PHACTR1: variants seen among roughly 807,000 people sequenced by gnomAD.
PHACTR1 encodes the protein RPEL repeat containing 1.
In PHACTR1, 16 loss-of-function variants were observed where a neutral mutation model predicts 69.2. That is an observed-to-expected ratio of 0.23 (90% CI 0.16 to 0.35). The LOEUF (loss-of-function observed/expected upper bound fraction) is 0.35, where lower values mean the gene tolerates loss of function less well. Among genes scored for constraint, PHACTR1 ranks in the 10% least tolerant of loss-of-function variants. The pLI is 1.00. For synonymous variants in PHACTR1, 312 were observed against 284.5 expected (o/e 1.10, Z -0.97); for missense variants, 510 against 734.7 (o/e 0.69, Z 3.54).
At chr6:13,052,620 A>C (rs949312901) in intron 4 of PHACTR1, among the ~76,000 whole-genome samples, 1 of 152,242 alleles carries the variant, frequency 6.6e-6, no homozygotes, top group Non-Finnish European at 1.5e-5. Flanking sequence ...TCCACTAGGC[A>C]TTATGAGATT....
intron 4 of PHACTR1, among the ~76,000 whole-genome samples, chr6:12,812,620 C>T (rs565526124): frequency 2.5e-3 from 381 of 152,308 alleles, no homozygotes; most frequent in Non-Finnish European, 4.1e-3. Flanking sequence ...CGTGAACGCC[C>T]CTAGCTTATT....
chr6:13,076,027 C>CTTTT lies in PHACTR1; in HGVS notation c.415+22511_415+22514dup, dbSNP rs398000515. Among the ~76,000 whole-genome samples the CTTTT allele has an allele frequency of 7.9e-5, 8 of 101,408 alleles. No individual in the cohort carries two copies. The South Asian group carries it at 1.2e-3, about 15-fold the overall frequency. 66.5% of individuals were successfully genotyped at this position (101,408 alleles called of 152,430 possible). ...TGAAAAAAACAATGCAAGGGAGCAT[C>CTTTT]TTTTTTTTTTTTTTTTCTGGTTGGC... On this transcript the variant is annotated intron_variant, in intron 5 of 14. Transcript: ENST00000332995.
At chr6:13,161,384 G>A (rs2113549525) in intron 6 of PHACTR1, among the ~76,000 whole-genome samples, 1 of 152,028 alleles carries the variant, frequency 6.6e-6, no homozygotes, top group South Asian at 2.1e-4. Flanking sequence ...CTCACTCTGA[G>A]GACCACACTC....
chr6:13,067,770 G>T (rs535108523), intron 5 of PHACTR1, among the ~76,000 whole-genome samples: 6 of 152,306 alleles, frequency 3.9e-5, no homozygotes, highest in Admixed American at 6.5e-5. Flanking sequence ...TAATCAGACA[G>T]TAATCACACA....
chr6:13,090,974 G>A (rs1301097978), intron 5 of PHACTR1, among the ~76,000 whole-genome samples: 5 of 151,572 alleles, frequency 3.3e-5, no homozygotes, highest in African/African-American at 1.2e-4. Flanking sequence ...AGTAGAATCA[G>A]TGGGAGCCCT....
Position 13,237,136 on chromosome 6 carries a change from G to T in PHACTR1, c.1391+6943G>T, listed in dbSNP as rs531816298. ...TCATGCCTATAATCCCAGCACTTTG[G>T]GGGGCCAAAGTAGAAGGATCACTTG... On this transcript the variant is annotated intron_variant, in intron 10 of 14. Coordinates refer to ENST00000332995, the MANE Select transcript of PHACTR1 (RefSeq NM_030948.6). Among the ~76,000 whole-genome samples, 434 of 152,242 alleles carry T rather than the reference G, an allele frequency of 2.9e-3. 3 individuals carry two copies. The highest frequency in any genetic ancestry group is 0.01 in the Middle Eastern group (3 of 294).
intron 4 of PHACTR1, among the ~76,000 whole-genome samples, chr6:12,898,819 C>T (rs1029913331): frequency 2.0e-5 from 3 of 152,234 alleles, no homozygotes; most frequent in Non-Finnish European, 4.4e-5. Flanking sequence ...CTGTAATCTA[C>T]CCGCTTGCCT....
intron 5 of PHACTR1, among the ~76,000 whole-genome samples, chr6:13,069,916 A>T (rs145456989): frequency 3.1e-4 from 47 of 152,296 alleles, no homozygotes; most frequent in African/African-American, 1.0e-3. Flanking sequence ...ACCAAGTTGG[A>T]ATTTGAACTT....
chr6:12,907,529 G>C lies in PHACTR1; in HGVS notation c.251-145836G>C, dbSNP rs74435080. ...GTGGAGGTCATTTTGATCTAAGGTT[G>C]GTCCTCAGTTTTGAAGATCTAGAAA... On this transcript the variant is annotated intron_variant, in intron 4 of 14. Coordinates refer to ENST00000332995, the MANE Select transcript of PHACTR1 (RefSeq NM_030948.6). Among the ~76,000 whole-genome samples the C allele has an allele frequency of 7.3e-3, 1,107 of 152,274 alleles. 18 individuals are homozygous for C. Among genetic ancestry groups the C allele is most frequent in the African/African-American group, 0.025 (1,031 of 41,546 alleles).
chr6:12,857,602 A>AG (rs1011624580), intron 4 of PHACTR1, among the ~76,000 whole-genome samples: 5 of 23,414 alleles, frequency 2.1e-4, no homozygotes, highest in African/African-American at 3.9e-4. Context: ...ACTCCATCTT[A>AG]AAAAAAAAAA....
chr6:12,880,201 G>A (rs959166298), intron 4 of PHACTR1, among the ~76,000 whole-genome samples: 5 of 150,964 alleles, frequency 3.3e-5, no homozygotes, highest in African/African-American at 1.2e-4. Flanking sequence ...CATACTCTCA[G>A]ATTGTCTCTA....
In PHACTR1 at chr6:12,980,659, T is replaced by TA. The variant is rs929414772; in HGVS notation, c.251-72696dup. On this transcript the variant is annotated intron_variant, in intron 4 of 14. Coordinates refer to ENST00000332995, the MANE Select transcript of PHACTR1 (RefSeq NM_030948.6). ...GGAGGATAGGATGGAGTGGGCAGTT[T>TA]AAAAAAAAAAGTCTACGAAAACTAT... Among the ~76,000 whole-genome samples the TA allele has an allele frequency of 2.8e-4, 42 of 148,774 alleles. No homozygotes were observed. In the South Asian group the frequency reaches 5.1e-3, roughly 18 times the overall value.
intron 10 of PHACTR1, chr6:13,230,511 AC>A (rs1010314437): frequency 2.3e-5 from 7 of 309,658 alleles, no homozygotes; most frequent in Admixed American, 1.0e-4. Flanking sequence ...ACACCATTGC[AC>A]CCCAGCCTGT....
At chr6:13,176,289 A>G (rs1395948238) in intron 6 of PHACTR1, among the ~76,000 whole-genome samples, 1 of 151,984 alleles carries the variant, frequency 6.6e-6, no homozygotes, top group African/African-American at 2.4e-5. Flanking sequence ...CTCATATTTC[A>G]TTTTCATGTC....
intron 7 of PHACTR1, among the ~76,000 whole-genome samples, chr6:13,194,266 G>A (rs1764031157): frequency 1.3e-5 from 2 of 152,096 alleles, no homozygotes; most frequent in Non-Finnish European, 2.9e-5. Context: ...AGCTGGGCGT[G>A]GTGGCGCGTG....
At chr6:13,050,446 TTCAA>T (rs1805773238) in intron 4 of PHACTR1, among the ~76,000 whole-genome samples, 1 of 152,216 alleles carries the variant, frequency 6.6e-6, no homozygotes, top group Admixed American at 6.5e-5. Flanking sequence ...AGTTCAAACT[TTCAA>T]TCACTCAGCA....
chr6:12,808,790 CCTCCTTCTT>C (rs887002653), intron 4 of PHACTR1, among the ~76,000 whole-genome samples: 7 of 141,510 alleles, frequency 4.9e-5, no homozygotes, highest in Non-Finnish European at 9.3e-5. Flanking sequence ...TTCTCCTTCT[CCTCCTTCTT>C]CTCCTTCTTC....
chr6:12,732,602 T>C (rs1311099588), intron 3 of PHACTR1, among the ~76,000 whole-genome samples: 7 of 152,040 alleles, frequency 4.6e-5, no homozygotes, highest in Non-Finnish European at 1.0e-4. Context: ...TTGTGTTAGT[T>C]TGCTGAGGAT....
At chr6:13,248,885 C>T (rs1246607544) in intron 10 of PHACTR1, among the ~76,000 whole-genome samples, 2 of 152,166 alleles carry the variant, frequency 1.3e-5, no homozygotes, top group African/African-American at 2.4e-5. Context: ...AAGCACTCTG[C>T]AAACATCAAA....
Sources: allele counts gnomAD v4.1 joint callset (sites outside exome capture counted in the v4.1 genomes callset), GRCh38; gene constraint gnomAD v4.1.1; transcripts MANE v1.5; gene names NCBI Gene and HGNC (gene_info 2026-07-23, HGNC 2026-07-21).